Variants in TMEM108 observed in about 807,000 individuals in gnomAD.
TMEM108 encodes the protein transmembrane protein 108.
In TMEM108, 12 loss-of-function variants were observed where a neutral mutation model predicts 35.1. The observed-to-expected ratio is 0.34, with a 90% CI of 0.22 to 0.55. The LOEUF (loss-of-function observed/expected upper bound fraction) is 0.55, where lower values mean the gene tolerates loss of function less well. Among genes scored for constraint, TMEM108 ranks in the 20% least tolerant of loss-of-function variants. The pLI, the probability that TMEM108 is intolerant of heterozygous loss-of-function variation, is 0.89. For synonymous variants in TMEM108, 287 were observed against 308.6 expected (o/e 0.93, Z 0.73); for missense variants, 680 against 753.3 (o/e 0.90, Z 1.14).
intron 2 of TMEM108, among the ~76,000 whole-genome samples, chr3:133,227,416 A>G (rs1946090061): frequency 1.4e-5 from 2 of 147,686 alleles, no homozygotes; most frequent in South Asian, 2.2e-4. Flanking sequence ...GATGGTCTCG[A>G]TCTCCTGACC....
chr3:133,388,910 C>G (rs1274144273), intron 4 of TMEM108: 1 of 985,630 alleles, frequency 1.0e-6, no homozygotes, highest in Non-Finnish European at 1.2e-6. Flanking sequence ...TGGCCCTCTG[C>G]CAACCCCCGG....
At chr3:133,090,684 A>G (rs897604879) in intron 2 of TMEM108, among the ~76,000 whole-genome samples, 4 of 152,228 alleles carry the variant, frequency 2.6e-5, no homozygotes, top group African/African-American at 9.6e-5. Context: ...GCATCCACAG[A>G]AACTCATTGG....
chr3:133,327,480 AG>A (rs1186488877), intron 3 of TMEM108, among the ~76,000 whole-genome samples: 1 of 152,174 alleles, frequency 6.6e-6, no homozygotes, highest in Non-Finnish European at 1.5e-5. Flanking sequence ...GAGCAGCATC[AG>A]GTCGTACTAA....
intron 2 of TMEM108, among the ~76,000 whole-genome samples, chr3:133,185,960 G>T (rs558552451): frequency 6.6e-6 from 1 of 151,878 alleles, no homozygotes; most frequent in South Asian, 2.1e-4. Context: ...TAGAGACAAG[G>T]TTTCACCATG....
chr3:133,156,304 A>G (rs755123622), intron 2 of TMEM108, among the ~76,000 whole-genome samples: 7 of 152,184 alleles, frequency 4.6e-5, no homozygotes, highest in Non-Finnish European at 8.8e-5. Context: ...GCAAGGAACT[A>G]TGTGACAATA....
At chr3:133,070,049 A>G (rs1305467636) in intron 2 of TMEM108, among the ~76,000 whole-genome samples, 1 of 152,120 alleles carries the variant, frequency 6.6e-6, no homozygotes, top group Non-Finnish European at 1.5e-5. Context: ...ACCTCATTCA[A>G]TGGTGAGGAA....
rs1274739645 is a variant in TMEM108 at position 133,388,310 on chromosome 3, C to G, written c.1451-1870C>G. On this transcript the variant is annotated intron_variant, in intron 4 of 5. Transcript: ENST00000321871. Reference sequence around the variant, plus strand: ...GGGGACAGGGGACCCGGGATCTTGTCCCAGCTCTGCCACTCACATACCTGT... The same window carrying G: ...GGGGACAGGGGACCCGGGATCTTGTGCCAGCTCTGCCACTCACATACCTGT... The G allele has an allele frequency of 6.1e-6, 6 of 984,014 alleles. No individual in the cohort carries two copies. The East Asian group carries it at 6.8e-4, about 112-fold the overall frequency. The allele number at this position is 984,014 out of a possible 1,614,324, so 61.0% of individuals were successfully genotyped here. A position where few individuals can be genotyped will look rare whatever the true frequency, so the allele number is the denominator to read the frequency against.
At position 133,185,426 on chromosome 3, in the gene TMEM108, T is replaced by A. The variant is rs79521204; in HGVS notation, c.-46-43840T>A. On this transcript the variant is annotated intron_variant, in intron 2 of 5. Coordinates refer to ENST00000321871, the MANE Select transcript of TMEM108 (RefSeq NM_023943.4). ...CTTCACTTCTGCCTATCTCCAAAGATGCTGTTGTTTAACTATTTCATGTCC... is the reference window on the plus strand; with the variant it reads ...CTTCACTTCTGCCTATCTCCAAAGAAGCTGTTGTTTAACTATTTCATGTCC... 8.4e-3 allele frequency among the ~76,000 whole-genome samples: 1,098 copies of A among 131,146 alleles called. 16 individuals are homozygous for A. Among genetic ancestry groups the A allele is most frequent in the African/African-American group, 0.03 (1,043 of 35,132 alleles). 86.0% of individuals were successfully genotyped at this position (131,146 alleles called of 152,430 possible). A position where few individuals can be genotyped will look rare whatever the true frequency, so the allele number is the denominator to read the frequency against.
chr3:133,358,403 C>A (rs1032920488), intron 3 of TMEM108, among the ~76,000 whole-genome samples: 1 of 152,126 alleles, frequency 6.6e-6, no homozygotes, highest in Non-Finnish European at 1.5e-5. Flanking sequence ...AACTCCTGAC[C>A]TCATGATCCA....
chr3:133,169,126 A>G (rs953149516), intron 2 of TMEM108, among the ~76,000 whole-genome samples: 4 of 152,282 alleles, frequency 2.6e-5, no homozygotes, highest in Admixed American at 6.5e-5. Context: ...CAGACACACT[A>G]CTCCCAAGAT....
At chr3:133,107,493 TGTG>T (rs1944168207) in intron 2 of TMEM108, among the ~76,000 whole-genome samples, 1 of 150,868 alleles carries the variant, frequency 6.6e-6, no homozygotes, top group Non-Finnish European at 1.5e-5. Context: ...TGTGTGTGTG[TGTG>T]TATAAAATGA....
intron 2 of TMEM108, among the ~76,000 whole-genome samples, chr3:133,091,406 T>C (rs1943945285): frequency 6.6e-6 from 1 of 152,226 alleles, no homozygotes; most frequent in African/African-American, 2.4e-5. Context: ...ACTTGTTGAC[T>C]AGATCAGTGG....
intron 4 of TMEM108, chr3:133,388,792 G>A (rs759810271): frequency 1.0e-6 from 1 of 985,254 alleles, no homozygotes; most frequent in Non-Finnish European, 1.2e-6. Context: ...TGGGCTCTGG[G>A]CTGTGAGGTC....
chr3:133,190,008 C>T (rs1945476246), intron 2 of TMEM108, among the ~76,000 whole-genome samples: 1 of 151,946 alleles, frequency 6.6e-6, no homozygotes, highest in Non-Finnish European at 1.5e-5. Flanking sequence ...AAGCCCGTAC[C>T]CCAAGAGGGA....
chr3:133,367,996 G>A (rs2072549273), intron 3 of TMEM108, among the ~76,000 whole-genome samples: 1 of 152,156 alleles, frequency 6.6e-6, no homozygotes, highest in African/African-American at 2.4e-5. Flanking sequence ...TTCTGGCTTT[G>A]GAGAATTTGA....
intron 3 of TMEM108, among the ~76,000 whole-genome samples, chr3:133,333,947 C>A (rs11720904): frequency 0.044 from 6,677 of 152,224 alleles, 192 homozygotes; most frequent in Non-Finnish European, 0.064. Flanking sequence ...TTGAAAAAGT[C>A]ATTTCCTTTC....
chr3:133,046,836 A>G (rs1306508468), intron 2 of TMEM108, among the ~76,000 whole-genome samples: 2 of 131,438 alleles, frequency 1.5e-5, no homozygotes, highest in Non-Finnish European at 3.5e-5. Context: ...GAGGATGGTT[A>G]AGAATGAGGG....
chr3:133,335,202 C>A (rs2071468586), intron 3 of TMEM108, among the ~76,000 whole-genome samples: 1 of 152,084 alleles, frequency 6.6e-6, no homozygotes, highest in Non-Finnish European at 1.5e-5. Context: ...GAATTAAAGT[C>A]CTCCGCTGGA....
chr3:133,156,871 T>C (rs1944889478), intron 2 of TMEM108, among the ~76,000 whole-genome samples: 1 of 152,212 alleles, frequency 6.6e-6, no homozygotes, highest in Non-Finnish European at 1.5e-5. Flanking sequence ...CCCCTTTTTT[T>C]CTCTGCCACT....
Sources: allele counts gnomAD v4.1 joint callset (sites outside exome capture counted in the v4.1 genomes callset), GRCh38; gene constraint gnomAD v4.1.1; transcripts MANE v1.5; gene names NCBI Gene and HGNC (gene_info 2026-07-23, HGNC 2026-07-21).